Variants in FSIP1 observed in about 807,000 individuals in gnomAD.
FSIP1 encodes the protein fibrous sheath-interacting protein 1.
In FSIP1, 65 loss-of-function variants were observed where a neutral mutation model predicts 60.9. The observed-to-expected ratio is 1.07, with a 90% CI of 0.87 to 1.31. The LOEUF (loss-of-function observed/expected upper bound fraction) is 1.31. Ranked by LOEUF, FSIP1 falls within the 40% of genes most tolerant of loss-of-function variation. The probability of loss-of-function intolerance (pLI) is 0.00; values close to 1 mark genes in which losing one functional copy is unlikely to be tolerated. For missense variants in FSIP1, 675 were observed against 665.5 expected, an observed-to-expected ratio of 1.01 and a Z score of -0.16; for synonymous variants, 209 against 221.2, an observed-to-expected ratio of 0.94 and a Z score of 0.49.
At chr15:39,695,271 C>T (rs1894769793) in intron 10 of FSIP1, among the ~76,000 whole-genome samples, 1 of 151,754 alleles carries the variant, frequency 6.6e-6, no homozygotes, top group African/African-American at 2.4e-5. Flanking sequence ...TCTCTGTCAG[C>T]CTCCCCTCCA....
At chr15:39,733,340 T>C (rs1184247882) in intron 8 of FSIP1, among the ~76,000 whole-genome samples, 2 of 152,130 alleles carry the variant, frequency 1.3e-5, no homozygotes, top group Non-Finnish European at 1.5e-5. Flanking sequence ...CTAAAAACAA[T>C]TGCCTTTAAA....
intron 5 of FSIP1, among the ~76,000 whole-genome samples, chr15:39,757,774 G>A (rs1005813111): frequency 6.6e-6 from 1 of 152,092 alleles, no homozygotes; most frequent in Non-Finnish European, 1.5e-5. Flanking sequence ...TCATTTTGGT[G>A]AACTGGTCAA....
In FSIP1 at chr15:39,713,474, A is replaced by G. The variant is rs140313000; in HGVS notation, c.1158T>C (p.Asp386=). 54 of 1,598,572 alleles carry G rather than the reference A, an allele frequency of 3.4e-5. No individual in the cohort carries two copies. The African/African-American group carries it at 6.0e-4, about 18-fold the overall frequency. Residue 386 remains aspartate (D), a synonymous_variant, in exon 10 of 12, where the codon GAT becomes GAC. Coordinates refer to ENST00000350221, the MANE Select transcript of FSIP1 (RefSeq NM_152597.5). ...RDLHNRLREI[D]EKLKMMKENV... ...TTTCCTTCATCATTTTCAGCTTTTC[A>G]TCAATCTCTCTCAGCCGATTATGCA...
chr15:39,720,097 T>C (rs1192589145), intron 9 of FSIP1, among the ~76,000 whole-genome samples: 1 of 152,166 alleles, frequency 6.6e-6, no homozygotes, highest in African/African-American at 2.4e-5. Flanking sequence ...CTAAGTACAT[T>C]TGGGGTCAAG....
chr15:39,666,113 G>A (rs537167226), intron 10 of FSIP1, among the ~76,000 whole-genome samples: 2 of 152,254 alleles, frequency 1.3e-5, no homozygotes, highest in African/African-American at 2.4e-5. Context: ...GAAACTCTGC[G>A]TTAATCAACT....
At chr15:39,779,727 T>A (rs188780349) in intron 1 of FSIP1, among the ~76,000 whole-genome samples, 1 of 152,360 alleles carries the variant, frequency 6.6e-6, no homozygotes, top group East Asian at 1.9e-4. Flanking sequence ...TGCCAACTTA[T>A]ATAACATTCA....
intron 10 of FSIP1, among the ~76,000 whole-genome samples, chr15:39,633,785 T>C (rs1566861320): frequency 6.6e-6 from 1 of 152,232 alleles, no homozygotes; most frequent in African/African-American, 2.4e-5. Context: ...TATTAAAATG[T>C]TGTAATAGAC....
intron 10 of FSIP1, among the ~76,000 whole-genome samples, chr15:39,660,568 T>C (rs1265395439): frequency 6.6e-6 from 1 of 152,178 alleles, no homozygotes; most frequent in Non-Finnish European, 1.5e-5. Context: ...CTTTCTAGCT[T>C]AAATGAAAAA....
intron 10 of FSIP1, among the ~76,000 whole-genome samples, chr15:39,709,386 A>G (rs1895405123): frequency 6.6e-6 from 1 of 152,268 alleles, no homozygotes; most frequent in Non-Finnish European, 1.5e-5. Flanking sequence ...TTTTGTATAT[A>G]GAAAAGACAA....
Position 39,771,603 on chromosome 15 carries a change from A to T in FSIP1, c.127-993T>A, listed in dbSNP as rs75968722. 5.5e-3 allele frequency among the ~76,000 whole-genome samples: 836 copies of T among 152,294 alleles called. 10 individuals are homozygous for T. Among genetic ancestry groups the T allele is most frequent in the African/African-American group, 0.02 (812 of 41,552 alleles). On this transcript the variant is annotated intron_variant, in intron 2 of 11. Coordinates refer to ENST00000350221, the MANE Select transcript of FSIP1 (RefSeq NM_152597.5). ...AATCATAGCCATCATTTATTGAAGA[A>T]TTACTATCAGTCATGGCCTGCCTCA...
chr15:39,707,820 A>T (rs989650633), intron 10 of FSIP1, among the ~76,000 whole-genome samples: 2 of 152,114 alleles, frequency 1.3e-5, no homozygotes, highest in African/African-American at 4.8e-5. Flanking sequence ...TTCAAACCCC[A>T]AGCAGTCTGG....
intron 10 of FSIP1, among the ~76,000 whole-genome samples, chr15:39,703,283 A>G (rs1467268346): frequency 3.3e-5 from 5 of 152,212 alleles, no homozygotes; most frequent in African/African-American, 7.2e-5. Flanking sequence ...TGCCCAGCTC[A>G]TAATTGTCAT....
intron 10 of FSIP1, among the ~76,000 whole-genome samples, chr15:39,687,136 C>CTT (rs1491090328): frequency 0.03 from 1,447 of 47,682 alleles, 484 homozygotes; most frequent in African/African-American, 0.078. Context: ...CTTTTCTTTT[C>CTT]CTTTTTTTTT....
In FSIP1 at chr15:39,647,702, A is replaced by C. The variant is rs564684942; in HGVS notation, c.1189-29457T>G. Among the ~76,000 whole-genome samples the C allele has an allele frequency of 6.5e-3, 340 of 52,458 alleles. 3 individuals are homozygous for C. Among genetic ancestry groups the C allele is most frequent in the Middle Eastern group, 9.3e-3 (1 of 108 alleles). 34.4% of individuals were successfully genotyped at this position (52,458 alleles called of 152,430 possible). On this transcript the variant is annotated intron_variant, in intron 10 of 11. Transcript: ENST00000350221. ...CAGCCATTCAAAAAATTATCACTTA[A>C]TAGAATGAAAACACACATGTACCAT...
chr15:39,727,289 T>C (rs1186480106), intron 8 of FSIP1, among the ~76,000 whole-genome samples: 2 of 152,240 alleles, frequency 1.3e-5, no homozygotes, highest in African/African-American at 4.8e-5. Flanking sequence ...TGTATTATGC[T>C]AGGCACTGGT....
intron 11 of FSIP1, among the ~76,000 whole-genome samples, chr15:39,611,223 T>C (rs1891017081): frequency 6.6e-6 from 1 of 152,126 alleles, no homozygotes; most frequent in Non-Finnish European, 1.5e-5. Flanking sequence ...ATCATAAAAG[T>C]TGTCGGGGGG....
chr15:39,649,060 C>A (rs1675704510), intron 10 of FSIP1, among the ~76,000 whole-genome samples: 2 of 151,964 alleles, frequency 1.3e-5, no homozygotes, highest in Admixed American at 6.6e-5. Flanking sequence ...ACGGAAACAA[C>A]CAATAGCTCA....
intron 11 of FSIP1, among the ~76,000 whole-genome samples, chr15:39,604,662 T>C (rs949617691): frequency 1.3e-5 from 2 of 152,178 alleles, no homozygotes; most frequent in Non-Finnish European, 2.9e-5. Flanking sequence ...TGGAAGAGCA[T>C]TGGTTTGACT....
chr15:39,650,713 A>G (rs927269890), intron 10 of FSIP1, among the ~76,000 whole-genome samples: 8 of 152,230 alleles, frequency 5.3e-5, no homozygotes, highest in African/African-American at 1.7e-4. Flanking sequence ...TCTATCGTAC[A>G]GCATCTCAGC....
Sources: gnomAD v4.1 joint callset for allele counts (sites outside exome capture counted in the v4.1 genomes callset) on GRCh38, gnomAD v4.1.1 for gene constraint, MANE v1.5 for transcripts, NCBI Gene and HGNC (gene_info 2026-07-23, HGNC 2026-07-21) for gene names.